The following RIMBP2 variants were observed in gnomAD, a reference collection of about 807,000 sequenced individuals.
RIMBP2 encodes RIMS-binding protein 2.
A neutral mutation model predicts 118.6 loss-of-function variants in RIMBP2; 48 were observed. That is an observed-to-expected ratio of 0.40 (90% CI 0.32 to 0.51). The LOEUF (loss-of-function observed/expected upper bound fraction) is 0.51. RIMBP2 is among the 20% of genes least tolerant of loss of function. The pLI, the probability that RIMBP2 is intolerant of heterozygous loss-of-function variation, is 0.41. For synonymous variants in RIMBP2, 762 were observed against 742.9 expected, an observed-to-expected ratio of 1.03 and a Z score of -0.42; for missense variants, 1,551 against 1,768.3, an observed-to-expected ratio of 0.88 and a Z score of 2.20.
At chr12:130,611,587 C>T (rs568838831) in intron 2 of RIMBP2, among the ~76,000 whole-genome samples, 7 of 152,348 alleles carry the variant, frequency 4.6e-5, no homozygotes, top group South Asian at 4.1e-4. Flanking sequence ...GATTTACCTC[C>T]GTAGCCTGGG....
Position 130,434,500 on chromosome 12 carries a change from G to A in RIMBP2, c.2253+234C>T, listed in dbSNP as rs1337083509. Among the ~76,000 whole-genome samples, 1 of 152,214 alleles carries A rather than the reference G, an allele frequency of 6.6e-6. No individual in the cohort carries two copies. Among genetic ancestry groups the A allele is most frequent in the East Asian group, 1.9e-4 (1 of 5,192 alleles). Reference sequence around the variant, plus strand: ...CGAATACCAGGATGGTGCAGCGGGGGAGGGTGGAAGCCCTGCACTTCGACT... The same window carrying A: ...CGAATACCAGGATGGTGCAGCGGGGAAGGGTGGAAGCCCTGCACTTCGACT... On this transcript the variant is annotated intron_variant, in intron 14 of 22. Coordinates refer to ENST00000690449, the MANE Select transcript of RIMBP2 (RefSeq NM_001393629.1). This position sits in a 1 kb window ranked among gnomAD's most constrained non-coding sequence, Gnocchi z 5.7.
At chr12:130,707,715 G>A (rs1373837983) in intron 1 of RIMBP2, among the ~76,000 whole-genome samples, 1 of 152,218 alleles carries the variant, frequency 6.6e-6, no homozygotes, top group South Asian at 2.1e-4. Context: ...GGAGGCCTGG[G>A]GGCGCTGAGG....
intron 21 of RIMBP2, among the ~76,000 whole-genome samples, chr12:130,402,628 C>CATT (rs2074733758): frequency 6.6e-6 from 1 of 152,236 alleles, no homozygotes; most frequent in African/African-American, 2.4e-5. Context: ...TCCTACGCCT[C>CATT]ATTTCCCACC....
rs558545200 is a variant in RIMBP2 at position 130,442,939 on chromosome 12, C to T, written c.692-279G>A. Among the ~76,000 whole-genome samples the T allele has an allele frequency of 1.6e-4, 24 of 152,280 alleles. No individual in the cohort carries two copies. Among genetic ancestry groups the T allele is most frequent in the African/African-American group, 5.8e-4 (24 of 41,562 alleles). ...TGTATCCGTGTACGTACACTGACTA[C>T]CCCCTCCCAACACGAACAACACTCA... On this transcript the variant is annotated intron_variant, in intron 10 of 22. Coordinates refer to ENST00000690449, the MANE Select transcript of RIMBP2 (RefSeq NM_001393629.1). The surrounding 1 kb of genome is among the most constrained non-coding windows in gnomAD (Gnocchi z 6.9).
chr12:130,715,550 C>G (rs2136938084), intron 1 of RIMBP2, among the ~76,000 whole-genome samples: 2 of 152,314 alleles, frequency 1.3e-5, no homozygotes, highest in Middle Eastern at 3.4e-3. Context: ...AGAGTCTGCC[C>G]CCGGCCAGCA....
Position 130,621,347 on chromosome 12 carries a change from C to G in RIMBP2, c.-217+6975G>C, listed in dbSNP as rs567418359. On this transcript the variant is annotated intron_variant, in intron 2 of 22. Coordinates refer to ENST00000690449, the MANE Select transcript of RIMBP2 (RefSeq NM_001393629.1). The surrounding 1 kb of genome is among the most constrained non-coding windows in gnomAD (Gnocchi z 6.6). ...AATACAATGTGGGAACAGCGCCAGG[C>G]CTGTGAACTCCAAGTGCACCATTAA... 2.6e-5 allele frequency among the ~76,000 whole-genome samples: 4 copies of G among 152,300 alleles called. No homozygotes were observed. The South Asian group carries it at 8.3e-4, about 32-fold the overall frequency.
chr12:130,443,025 A>G (rs1042847327), intron 10 of RIMBP2, among the ~76,000 whole-genome samples: 2 of 152,216 alleles, frequency 1.3e-5, no homozygotes, highest in African/African-American at 4.8e-5. Flanking sequence ...CTGGCCCACA[A>G]CAGTGCACAG....
intron 4 of RIMBP2, among the ~76,000 whole-genome samples, chr12:130,488,378 C>T (rs187901344): frequency 1.3e-4 from 19 of 151,148 alleles, no homozygotes; most frequent in African/African-American, 4.4e-4. Flanking sequence ...GGCTGAAATT[C>T]GTGGTGTTAG....
At chr12:130,656,992 T>A (rs12371311) in intron 1 of RIMBP2, among the ~76,000 whole-genome samples, 85,485 of 152,164 alleles carry the variant, frequency 0.56, 26,033 homozygotes, top group Middle Eastern at 0.72. Flanking sequence ...ACTCCCAGGC[T>A]CAAGTGATCC....
intron 2 of RIMBP2, among the ~76,000 whole-genome samples, chr12:130,527,405 CTG>C (rs1303865960): frequency 1.3e-5 from 2 of 152,190 alleles, no homozygotes; most frequent in Non-Finnish European, 2.9e-5. Flanking sequence ...TCAACCATGA[CTG>C]ATACATGCTA....
intron 1 of RIMBP2, chr12:130,658,762 G>C (rs541899180): frequency 6.6e-6 from 1 of 152,308 alleles, no homozygotes; most frequent in Admixed American, 6.5e-5. Flanking sequence ...CAACCAGCCC[G>C]CACCCGCTGA....
At chr12:130,608,950 C>A (rs2060345244) in intron 2 of RIMBP2, among the ~76,000 whole-genome samples, 1 of 152,102 alleles carries the variant, frequency 6.6e-6, no homozygotes, top group Admixed American at 6.6e-5. Context: ...GCACCCCAGC[C>A]TCTGGTAACC....
At chr12:130,505,536 C>T (rs2050234476) in intron 4 of RIMBP2, among the ~76,000 whole-genome samples, 1 of 79,532 alleles carries the variant, frequency 1.3e-5, no homozygotes, top group South Asian at 8.5e-4. Context: ...CATCCCCACC[C>T]CCCACCCCCT....
chr12:130,411,411 G>A (rs147073387), intron 19 of RIMBP2, among the ~76,000 whole-genome samples: 48 of 152,274 alleles, frequency 3.2e-4, no homozygotes, highest in African/African-American at 1.0e-3. Context: ...GGTGAGGGCC[G>A]ACATCCTTGT....
At chr12:130,425,963 A>G (rs4759679) in intron 15 of RIMBP2, 67,914 of 152,328 alleles carry the variant, frequency 0.45, 15,977 homozygotes, top group East Asian at 0.75. Context: ...CGGGGCACAC[A>G]CTGTGCAGCT....
intron 19 of RIMBP2, among the ~76,000 whole-genome samples, chr12:130,410,055 G>A (rs865877776): frequency 6.6e-6 from 1 of 152,236 alleles, no homozygotes; most frequent in Non-Finnish European, 1.5e-5. Context: ...CCACACCTGC[G>A]ACGGCCAGCC....
intron 1 of RIMBP2, among the ~76,000 whole-genome samples, chr12:130,650,990 A>C (rs1415439980): frequency 1.3e-5 from 2 of 151,414 alleles, no homozygotes; most frequent in African/African-American, 4.9e-5. Context: ...AGAAAAGAAA[A>C]GAAACTGCTT....
At chr12:130,551,158 G>A (rs1195475148) in intron 2 of RIMBP2, among the ~76,000 whole-genome samples, 15 of 152,280 alleles carry the variant, frequency 9.9e-5, no homozygotes, top group Admixed American at 9.2e-4. Flanking sequence ...AGTGAAGCAG[G>A]AATTACAAAA....
At chr12:130,686,743 G>T (rs1045817998) in intron 1 of RIMBP2, among the ~76,000 whole-genome samples, 1 of 152,220 alleles carries the variant, frequency 6.6e-6, no homozygotes, top group African/African-American at 2.4e-5. Flanking sequence ...GGCGTGAGGG[G>T]CACCTGCCAG....
Sources: allele counts gnomAD v4.1 joint callset (sites outside exome capture counted in the v4.1 genomes callset), GRCh38; gene constraint gnomAD v4.1.1; non-coding constraint Gnocchi (gnomAD v3.1); transcripts MANE v1.5; gene names NCBI Gene and HGNC (gene_info 2026-07-23, HGNC 2026-07-21).